The following DPP6 variants were observed in gnomAD, a reference collection of about 807,000 sequenced individuals.
DPP6 encodes A-type potassium channel modulatory protein DPP6.
DPP6 carries 69 observed loss-of-function variants against 122.6 expected under a neutral mutation model. The ratio of observed to expected loss-of-function variants is 0.56; its 90% CI spans 0.46 to 0.69. DPP6 has a LOEUF of 0.69. Among genes scored for constraint, DPP6 ranks in the 30% least tolerant of loss-of-function variants. The pLI is 0.00. For missense variants in DPP6, 928 were observed against 1,116.9 expected (o/e 0.83, Z 2.41); for synonymous variants, 418 against 433.1 (o/e 0.97, Z 0.43).
intron 1 of DPP6, among the ~76,000 whole-genome samples, chr7:154,191,542 T>C (rs964383769): frequency 1.3e-5 from 2 of 152,212 alleles, no homozygotes; most frequent in African/African-American, 4.8e-5. Context: ...CATTTACCCT[T>C]TAGCTGAAGC....
intron 1 of DPP6, among the ~76,000 whole-genome samples, chr7:154,176,286 A>G (rs961266527): frequency 6.6e-6 from 1 of 152,122 alleles, no homozygotes; most frequent in African/African-American, 2.4e-5. Context: ...CTGAATCAGT[A>G]TCTTTGTGGA....
intron 1 of DPP6, among the ~76,000 whole-genome samples, chr7:154,218,800 A>G (rs1370531008): frequency 3.3e-5 from 5 of 152,218 alleles, no homozygotes; most frequent in African/African-American, 7.2e-5. Flanking sequence ...TCACTTTTCT[A>G]TTAAACAGCG....
Position 154,587,642 on chromosome 7 carries a change from C to T in DPP6, c.627+20726C>T, listed in dbSNP as rs367872534. 2.9e-5 allele frequency: 45 copies of T among 1,542,372 alleles called. 1 individual carries two copies. Among genetic ancestry groups the T allele is most frequent in the African/African-American group, 2.5e-4 (18 of 73,038 alleles). On this transcript the variant is annotated intron_variant, in intron 5 of 25. Coordinates refer to ENST00000377770, the MANE Select transcript of DPP6 (RefSeq NM_130797.4). ...CTAAAATGATTCTGCCCATCTCCCA[C>T]TTTACAGATGAAGAAAGTGAAGTCC...
At chr7:154,080,086 G>A (rs56206830) in intron 1 of DPP6, among the ~76,000 whole-genome samples, 65,587 of 150,018 alleles carry the variant, frequency 0.44, 14,663 homozygotes, top group East Asian at 0.5. Flanking sequence ...ATCAGAAGCC[G>A]GAAGTGGAAC....
At chr7:154,056,856 A>G (rs1473204658) in intron 1 of DPP6, among the ~76,000 whole-genome samples, 1 of 151,942 alleles carries the variant, frequency 6.6e-6, no homozygotes, top group Non-Finnish European at 1.5e-5. Flanking sequence ...ATGTTTTTAT[A>G]CTCTATTACT....
chr7:154,769,318 G>T, intron 8 of DPP6, 99 bp from the exon 9 acceptor site: 4 of 1,506,260 alleles, frequency 2.7e-6, no homozygotes, highest in Non-Finnish European at 3.6e-6. Context: ...GCTCTGCAGG[G>T]ACTCGTTTCT....
At chr7:154,363,650 T>C (rs973610698) in intron 1 of DPP6, among the ~76,000 whole-genome samples, 123 of 152,188 alleles carry the variant, frequency 8.1e-4, no homozygotes, top group African/African-American at 2.7e-3. Context: ...CAGCTGGTGG[T>C]TTGCTTATTT....
chr7:153,882,514 AT>A (rs1326792673), upstream of DPP6, among the ~76,000 whole-genome samples: 6 of 152,224 alleles, frequency 3.9e-5, no homozygotes, highest in African/African-American at 1.4e-4. Flanking sequence ...TGCTGTAACT[AT>A]TTCCTGATGT....
chr7:154,438,291 C>G (rs1819045589), intron 1 of DPP6, among the ~76,000 whole-genome samples: 1 of 151,576 alleles, frequency 6.6e-6, no homozygotes, highest in African/African-American at 2.4e-5. Flanking sequence ...CACGGTGAAA[C>G]CCCGTCTCGA....
chr7:154,233,634 G>T (rs1341503761), intron 1 of DPP6, among the ~76,000 whole-genome samples: 2 of 152,150 alleles, frequency 1.3e-5, no homozygotes, highest in African/African-American at 4.8e-5. Context: ...AAGCCAAGGG[G>T]CACCAGAGAT....
At chr7:154,660,255 C>CCAT (rs1837542680) in intron 6 of DPP6, among the ~76,000 whole-genome samples, 1 of 41,704 alleles carries the variant, frequency 2.4e-5, no homozygotes, top group Admixed American at 3.6e-4. Context: ...TGGTGAATCA[C>CCAT]GATGGCGTAT....
intron 3 of DPP6, among the ~76,000 whole-genome samples, chr7:154,518,410 A>G (rs926638437): frequency 6.6e-6 from 1 of 152,228 alleles, no homozygotes; most frequent in Non-Finnish European, 1.5e-5. Flanking sequence ...CTTTGGGTAC[A>G]TAGAAAAAAT....
At chr7:154,424,250 T>G (rs1817712239) in intron 1 of DPP6, among the ~76,000 whole-genome samples, 1 of 152,200 alleles carries the variant, frequency 6.6e-6, no homozygotes, top group Non-Finnish European at 1.5e-5. Flanking sequence ...ACCTGCTAGG[T>G]GATGTATTTG....
At chr7:154,459,755 G>T (rs1345414571) in intron 2 of DPP6, among the ~76,000 whole-genome samples, 1 of 129,690 alleles carries the variant, frequency 7.7e-6, no homozygotes, top group Non-Finnish European at 1.5e-5. Context: ...AGGCTGAGCC[G>T]AGATCATACC....
At chr7:154,394,935 G>A (rs1814950797) in intron 1 of DPP6, among the ~76,000 whole-genome samples, 1 of 152,126 alleles carries the variant, frequency 6.6e-6, no homozygotes, top group African/African-American at 2.4e-5. Flanking sequence ...TAATGCATTG[G>A]GATTGCGATA....
At chr7:154,315,556 C>T (rs1807361533) in intron 1 of DPP6, among the ~76,000 whole-genome samples, 1 of 151,932 alleles carries the variant, frequency 6.6e-6, no homozygotes, top group African/African-American at 2.4e-5. Context: ...TCTTAAGACA[C>T]ATCAGTAGGA....
chr7:153,931,195 A>G (rs1801154927), intron 1 of DPP6, among the ~76,000 whole-genome samples: 2 of 152,150 alleles, frequency 1.3e-5, no homozygotes, highest in Non-Finnish European at 2.9e-5. Context: ...ATTACCAGAA[A>G]CTCAGCATTT....
chr7:154,747,214 A>G (rs1843077436), intron 8 of DPP6, among the ~76,000 whole-genome samples: 1 of 152,216 alleles, frequency 6.6e-6, no homozygotes, highest in African/African-American at 2.4e-5. Flanking sequence ...CTGGTTTTTA[A>G]TTGGCCCTGT....
At chr7:154,045,377 G>T (rs1419007377) in intron 1 of DPP6, among the ~76,000 whole-genome samples, 10 of 152,302 alleles carry the variant, frequency 6.6e-5, no homozygotes, top group Middle Eastern at 6.8e-3. Flanking sequence ...GAAGAAAATT[G>T]CTCTAGTACA....
Sources: gnomAD v4.1 joint callset for allele counts (sites outside exome capture counted in the v4.1 genomes callset) on GRCh38, gnomAD v4.1.1 for gene constraint, MANE v1.5 for transcripts, NCBI Gene and HGNC (gene_info 2026-07-23, HGNC 2026-07-21) for gene names.